The following JPH4 variants were observed in gnomAD, a reference collection of about 807,000 sequenced individuals.
JPH4 encodes the protein junctophilin-4.
Under a neutral mutation model 57.6 loss-of-function variants are expected in JPH4, and 18 were observed. The observed-to-expected ratio is 0.31, with a 90% CI of 0.22 to 0.46. The LOEUF (loss-of-function observed/expected upper bound fraction) is 0.46. Ranked by LOEUF, JPH4 falls within the 20% of genes least tolerant of loss-of-function variation. The pLI is 1.00. For synonymous variants in JPH4, 425 were observed against 406.6 expected (o/e 1.05, Z -0.54); for missense variants, 727 against 911.1 (o/e 0.80, Z 2.60).
chr14:23,576,915 T>A lies in JPH4; in HGVS notation c.379+160A>T, dbSNP rs1040986855. Among the ~76,000 whole-genome samples, 1 of 136,448 alleles carries A rather than the reference T, an allele frequency of 7.3e-6. No homozygotes were observed. The highest frequency in any genetic ancestry group is 1.5e-5 in the Non-Finnish European group (1 of 64,592). The allele number at this position is 136,448 out of a possible 152,430, so 89.5% of individuals were successfully genotyped here. On this transcript the variant is annotated intron_variant, in intron 2 of 5. Transcript: ENST00000356300. The surrounding 1 kb of genome is among the most constrained non-coding windows in gnomAD (Gnocchi z 8.0). ...ACAATTGAGGAAAGCATAATCATGGTGGGAGAGAGCAGAAATTGGGGGCTG... is the reference window on the plus strand; with the variant it reads ...ACAATTGAGGAAAGCATAATCATGGAGGGAGAGAGCAGAAATTGGGGGCTG...
In JPH4 at chr14:23,568,888, T is replaced by C; in HGVS notation, c.*746A>G. The C allele has an allele frequency of 4.8e-6, 4 of 827,452 alleles. No individual in the cohort carries two copies. The highest frequency in any genetic ancestry group is 5.5e-5 in the South Asian group (1 of 18,218). The allele number at this position is 827,452 out of a possible 1,614,324, so 51.3% of individuals were successfully genotyped here. On this transcript the variant is annotated 3_prime_UTR_variant, in exon 6 of 6. Transcript: ENST00000356300. ...GACTGCATTGGATATTCTCTGTTCC[T>C]TTACACGTTGCTCTTGGCATGGCAT...
intron 3 of JPH4, among the ~76,000 whole-genome samples, chr14:23,573,758 T>G (rs369099924): frequency 4.4e-4 from 67 of 152,266 alleles, no homozygotes; most frequent in African/African-American, 1.5e-3. Flanking sequence ...CAGTTTTTCC[T>G]GCACATGTCT....
chr14:23,576,266 G>C lies in JPH4; in HGVS notation c.570C>G (p.Gly190=). Residue 190 remains glycine, a synonymous_variant, in exon 3 of 6, where the codon GGC becomes GGG. Transcript: ENST00000356300. This position sits in a 1 kb window ranked among gnomAD's most constrained non-coding sequence, Gnocchi z 8.0. ...CGGCCAGCACGAAGCCGCCCCGGGA[G>C]CCCGAGGCGGGGCTGCCTCCCTCGT... ...PGDEGGSPAS[G]SRGGFVLAGP... 7.9e-7 allele frequency: 1 copy of C among 1,267,514 alleles called. No individual in the cohort carries two copies. The highest frequency in any genetic ancestry group is 2.9e-5 in the South Asian group (1 of 34,824). 78.5% of individuals were successfully genotyped at this position (1,267,514 alleles called of 1,614,324 possible).
In JPH4 at chr14:23,576,133, T is replaced by G. The variant is rs1333303213; in HGVS notation, c.703A>C (p.Ser235Arg). Residue 235 changes from serine (S) to arginine (R), a missense_variant, in exon 3 of 6, where the codon AGC becomes CGC. This residue lies in a region of JPH4 where 131 missense variants were observed against 156.5 expected (regional missense o/e 0.84). Transcript: ENST00000356300. The surrounding 1 kb of genome is among the most constrained non-coding windows in gnomAD (Gnocchi z 8.0). ...LSGLRAGGRR[S>R]SLGSKRGSLR... The stretch of plus-strand genomic sequence containing the variant: ...GAGCCTCGCTTGCTGCCCAGGGAGC[T>G]GCGACGTCCGCCCGCTCGGAGCCCG... 7.6e-7 allele frequency: 1 copy of G among 1,310,550 alleles called. No homozygotes were observed. The highest frequency in any genetic ancestry group is 9.7e-7 in the Non-Finnish European group (1 of 1,029,444). 81.2% of individuals were successfully genotyped at this position (1,310,550 alleles called of 1,614,324 possible).
At position 23,577,235 on chromosome 14, in the gene JPH4, C is replaced by G; in HGVS notation, c.219G>C (p.Leu73=). The G allele has an allele frequency of 6.5e-7, 1 of 1,536,958 alleles. No individual in the cohort carries two copies. The highest frequency in any genetic ancestry group is 8.7e-7 in the Non-Finnish European group (1 of 1,145,504). The part of the protein sequence containing the change: ...GHWQQGKREG[L]GVERKSRWTY... ...TCCAGCGGCTCTTGCGCTCCACGCC[C>G]AGCCCTTCGCGCTTGCCCTGCTGCC... Residue 73 remains leucine, a synonymous_variant, in exon 2 of 6, where the codon CTG becomes CTC. Coordinates refer to ENST00000356300, the MANE Select transcript of JPH4 (RefSeq NM_001146028.2). The surrounding 1 kb of genome is among the most constrained non-coding windows in gnomAD (Gnocchi z 8.4).
In JPH4 at chr14:23,573,006, G is replaced by C. The variant is rs746623089; in HGVS notation, c.1152-1086C>G. 4 of 699,732 alleles carry C rather than the reference G, an allele frequency of 5.7e-6. No homozygotes were observed. In the South Asian group the frequency reaches 6.0e-5, roughly 10 times the overall value. 43.3% of individuals were successfully genotyped at this position (699,732 alleles called of 1,614,324 possible). ...TTAAATGAGTTCTGTAATTCTGAGG[G>C]TGGGGCACAAAAGAGCTGAGGAAAA... On this transcript the variant is annotated intron_variant, in intron 3 of 5. Coordinates refer to ENST00000356300, the MANE Select transcript of JPH4 (RefSeq NM_001146028.2).
chr14:23,568,426 C>T lies in JPH4; in HGVS notation c.*1208G>A, dbSNP rs1888890300. ...ACCAGAGAGGGATCAGCCACAACCT[C>T]AAACAGGGCTCTCCACCCACCTGTC... On this transcript the variant is annotated 3_prime_UTR_variant, in exon 6 of 6. Transcript: ENST00000356300. 1 of 985,658 alleles carries T rather than the reference C, an allele frequency of 1.0e-6. No homozygotes were observed. The highest frequency in any genetic ancestry group is 1.2e-6 in the Non-Finnish European group (1 of 829,988). The allele number at this position is 985,658 out of a possible 1,614,324, so 61.1% of individuals were successfully genotyped here. A position where few individuals can be genotyped will look rare whatever the true frequency, so the allele number is the denominator to read the frequency against.
rs374164048 is a variant in JPH4, at chr14:23,574,214, G to T, written c.1151+1471C>A. On this transcript the variant is annotated intron_variant, in intron 3 of 5. Transcript: ENST00000356300. ...TTTTAGACTGGCGTTCACTTTTCTCGCCCAGGCTAGAGTGCAGTGGCGTGG... is the reference window on the plus strand; with the variant it reads ...TTTTAGACTGGCGTTCACTTTTCTCTCCCAGGCTAGAGTGCAGTGGCGTGG... Among the ~76,000 whole-genome samples the T allele has an allele frequency of 1.5e-4, 22 of 146,192 alleles. No homozygotes were observed. In the South Asian group the frequency reaches 4.3e-3, roughly 28 times the overall value.
chr14:23,577,387 G>A lies in JPH4; in HGVS notation c.67C>T (p.Arg23Trp). The A allele has an allele frequency of 6.7e-7, 1 of 1,487,590 alleles. No homozygotes were observed. Among genetic ancestry groups the A allele is most frequent in the Non-Finnish European group, 8.9e-7 (1 of 1,120,956 alleles). The allele number at this position is 1,487,590 out of a possible 1,614,324, so 92.1% of individuals were successfully genotyped here. Reference sequence around the variant, plus strand: ...GTGCACACGCCGTAGCCATGTGCCCGCCCCGCCTCCCAGCCCCCCACGTAG... The same window carrying A: ...GTGCACACGCCGTAGCCATGTGCCCACCCCGCCTCCCAGCCCCCCACGTAG... The part of the protein sequence containing the change: ...GCYVGGWEAG[R>W]AHGYGVCTGP... The change falls in exon 2 of 6, where the codon CGG (arginine) becomes TGG (tryptophan). Residue 23 changes from arginine (R) to tryptophan (W), a missense_variant. By Grantham distance (101) the Arg-to-Trp change is moderately radical (BLOSUM62 -3). Coordinates refer to ENST00000356300, the MANE Select transcript of JPH4 (RefSeq NM_001146028.2). The surrounding 1 kb of genome is among the most constrained non-coding windows in gnomAD (Gnocchi z 8.4).
intron 3 of JPH4, among the ~76,000 whole-genome samples, chr14:23,573,970 G>T: frequency 7.7e-6 from 1 of 129,172 alleles, no homozygotes; most frequent in African/African-American, 3.8e-5. Context: ...ACACACACAC[G>T]CACTCTCACT....
chr14:23,577,670 C>T lies in JPH4; in HGVS notation c.-171-46G>A. ...GGGCAAGTGGCGAGAGAGGCCCCTC[C>T]TCTTTGCCCGCCGCTCCCTGGCCCG... On this transcript the variant is annotated intron_variant, in intron 1 of 5. Coordinates refer to ENST00000356300, the MANE Select transcript of JPH4 (RefSeq NM_001146028.2). This position sits in a 1 kb window ranked among gnomAD's most constrained non-coding sequence, Gnocchi z 8.4. The T allele has an allele frequency of 2.4e-6, 1 of 414,626 alleles. No individual in the cohort carries two copies. The highest frequency in any genetic ancestry group is 4.2e-6 in the Non-Finnish European group (1 of 235,994). The allele number at this position is 414,626 out of a possible 1,614,324, so 25.7% of individuals were successfully genotyped here.
chr14:23,570,851 T>G, intron 5 of JPH4, 77 bp downstream of exon 5: 1 of 1,349,308 alleles, frequency 7.4e-7, no homozygotes. Context: ...GCCCCCCCGG[T>G]GATCAGACAG....
chr14:23,571,636 CCCAGACTA>C lies in JPH4; in HGVS notation c.1270+158_1270+165del, dbSNP rs1889150871. Among the ~76,000 whole-genome samples, 2 of 152,138 alleles carry C rather than the reference CCCAGACTA, an allele frequency of 1.3e-5. No individual in the cohort carries two copies. The highest frequency in any genetic ancestry group is 1.3e-4 in the Admixed American group (2 of 15,282). ...CTGCATACATTCCCAAGTCCCACTCCCCAGACTACCAGGTCTGGCCCCCACCCTGTGTT... is the reference window on the plus strand; with the variant it reads ...CTGCATACATTCCCAAGTCCCACTCCCCAGGTCTGGCCCCCACCCTGTGTT... On this transcript the variant is annotated intron_variant, in intron 4 of 5. Coordinates refer to ENST00000356300, the MANE Select transcript of JPH4 (RefSeq NM_001146028.2). This position sits in a 1 kb window ranked among gnomAD's most constrained non-coding sequence, Gnocchi z 4.6.
chr14:23,577,328 G>A lies in JPH4; in HGVS notation c.126C>T (p.Cys42=). Residue 42 remains cysteine (C), a synonymous_variant, in exon 2 of 6, where the codon TGC becomes TGT. Transcript: ENST00000356300. The surrounding 1 kb of genome is among the most constrained non-coding windows in gnomAD (Gnocchi z 8.4). ...CCAGTGACTCGAAGCCGTGTGCCCA[G>A]CAGCCGCTGTACTCGCCCTGGGCGC... is the stretch of plus-strand genomic sequence containing the variant. ...GPGAQGEYSG[C]WAHGFESLGV... 6.5e-7 allele frequency: 1 copy of A among 1,535,702 alleles called. No homozygotes were observed.
chr14:23,575,764 C>G lies in JPH4; in HGVS notation c.1072G>C (p.Glu358Gln), dbSNP rs766271862. The change falls in exon 3 of 6, where the codon GAG becomes CAG. Residue 358 changes from glutamate (E) to glutamine (Q), a missense_variant. This residue lies in a region of JPH4 where 112 missense variants were observed against 199.4 expected (regional missense o/e 0.56). Coordinates refer to ENST00000356300, the MANE Select transcript of JPH4 (RefSeq NM_001146028.2). The surrounding 1 kb of genome is among the most constrained non-coding windows in gnomAD (Gnocchi z 6.9). Reference sequence around the variant, plus strand: ...CCCTCGACAGCCCTGTCCACCTTCTCCTTAACCTTGCCCCGCCGAAGGGCC... The same window carrying G: ...CCCTCGACAGCCCTGTCCACCTTCTGCTTAACCTTGCCCCGCCGAAGGGCC... Reference protein sequence around the residue: ...PLALRRGKVKEKVDRAVEGAR... With the variant: ...PLALRRGKVKQKVDRAVEGAR... The G allele has an allele frequency of 1.8e-5, 28 of 1,592,302 alleles. No individual in the cohort carries two copies. The highest frequency in any genetic ancestry group is 2.4e-5 in the Non-Finnish European group (28 of 1,171,474).
At position 23,577,574 on chromosome 14, in the gene JPH4, G is replaced by T; in HGVS notation, c.-121C>A. The T allele has an allele frequency of 1.2e-6, 1 of 844,918 alleles. No individual in the cohort carries two copies. Among genetic ancestry groups the T allele is most frequent in the Non-Finnish European group, 1.7e-6 (1 of 605,578 alleles). The allele number at this position is 844,918 out of a possible 1,614,324, so 52.3% of individuals were successfully genotyped here. A position where few individuals can be genotyped will look rare whatever the true frequency, so the allele number is the denominator to read the frequency against. ...GCGGGGGCAGTTAGACCGGGGCCGG[G>T]CGGGGGGGCCCCAGCGAGGGCAGGC... On this transcript the variant is annotated 5_prime_UTR_variant, in exon 2 of 6. Transcript: ENST00000356300. This position sits in a 1 kb window ranked among gnomAD's most constrained non-coding sequence, Gnocchi z 8.4.
intron 3 of JPH4, 141 bp from the exon 4 acceptor site, chr14:23,572,061 C>T: frequency 1.4e-6 from 1 of 734,710 alleles, no homozygotes; most frequent in Non-Finnish European, 2.3e-6. Flanking sequence ...TCGCCACACT[C>T]TGCCAGCTGC....
At chr14:23,573,361 C>T (rs188512135) in intron 3 of JPH4, among the ~76,000 whole-genome samples, 36 of 152,286 alleles carry the variant, frequency 2.4e-4, no homozygotes, top group African/African-American at 7.0e-4. Flanking sequence ...GGGTGCACAG[C>T]GGGCACATGT....
chr14:23,568,577 C>T lies in JPH4; in HGVS notation c.*1057G>A. Reference sequence around the variant, plus strand: ...ATGTAAAGGGGGAAGGGATATAACCCATTTTGGGACTACTAAACTTGTCAC... The same window carrying T: ...ATGTAAAGGGGGAAGGGATATAACCTATTTTGGGACTACTAAACTTGTCAC... On this transcript the variant is annotated 3_prime_UTR_variant, in exon 6 of 6. Coordinates refer to ENST00000356300, the MANE Select transcript of JPH4 (RefSeq NM_001146028.2). 1.0e-6 allele frequency: 1 copy of T among 985,832 alleles called. No homozygotes were observed. Among genetic ancestry groups the T allele is most frequent in the Non-Finnish European group, 1.2e-6 (1 of 829,942 alleles). 61.1% of individuals were successfully genotyped at this position (985,832 alleles called of 1,614,324 possible). A position where few individuals can be genotyped will look rare whatever the true frequency, so the allele number is the denominator to read the frequency against.
Sources: allele counts gnomAD v4.1 joint callset (sites outside exome capture counted in the v4.1 genomes callset), GRCh38; gene constraint gnomAD v4.1.1; regional missense constraint gnomAD v4.1.1; non-coding constraint Gnocchi (gnomAD v3.1); transcripts MANE v1.5; gene names NCBI Gene and HGNC (gene_info 2026-07-23, HGNC 2026-07-21).